NIM1K: variants seen among roughly 807,000 people sequenced by gnomAD.
The protein encoded by NIM1K is serine/threonine-protein kinase NIM1.
In NIM1K, 35 loss-of-function variants were observed where a neutral mutation model predicts 37.1. The observed-to-expected ratio is 0.94, with a 90% confidence interval of 0.72 to 1.25. NIM1K has a LOEUF of 1.25. Among genes scored for constraint, NIM1K ranks in the 50% most tolerant of loss-of-function variants. The pLI, the probability that NIM1K is intolerant of heterozygous loss-of-function variation, is 0.00. For synonymous variants in NIM1K, 234 were observed against 206.6 expected, an observed-to-expected ratio of 1.13 and a Z score of -1.14; for missense variants, 564 against 548.0, an observed-to-expected ratio of 1.03 and a Z score of -0.29.
intron 1 of NIM1K, chr5:43,242,960 C>A (rs562074217): frequency 3.9e-5 from 6 of 152,282 alleles, no homozygotes; most frequent in Admixed American, 3.9e-4. Flanking sequence ...CGCCACCATG[C>A]TTGGCTAATT....
intron 1 of NIM1K, among the ~76,000 whole-genome samples, chr5:43,217,819 C>T (rs1194113600): frequency 1.4e-5 from 2 of 143,296 alleles, no homozygotes; most frequent in Non-Finnish European, 3.0e-5. Context: ...TCAAGAAATT[C>T]TCCTGCCTCA....
At chr5:43,226,737 T>C (rs2112237372) in intron 1 of NIM1K, among the ~76,000 whole-genome samples, 1 of 152,268 alleles carries the variant, frequency 6.6e-6, no homozygotes, top group Non-Finnish European at 1.5e-5. Context: ...GATGAACCCC[T>C]CAGTGCATGG....
At chr5:43,274,614 T>C (rs1221924490) in intron 2 of NIM1K, among the ~76,000 whole-genome samples, 1 of 152,204 alleles carries the variant, frequency 6.6e-6, no homozygotes, top group Non-Finnish European at 1.5e-5. Context: ...GGAGGTTCTT[T>C]TGCTGGGGCT....
chr5:43,195,661 C>CAAAAAA (rs10556161), intron 1 of NIM1K, among the ~76,000 whole-genome samples: 1 of 112,088 alleles, frequency 8.9e-6, no homozygotes. Flanking sequence ...ACTCTGAATC[C>CAAAAAA]AAAAAAAAAA....
intron 2 of NIM1K, among the ~76,000 whole-genome samples, chr5:43,259,732 G>T (rs1752999906): frequency 6.6e-6 from 1 of 152,058 alleles, no homozygotes; most frequent in African/African-American, 2.4e-5. Flanking sequence ...CCATTCTGTG[G>T]ATTGCCTGTT....
chr5:43,215,580 TGCGCCACCAC>T, intron 1 of NIM1K, among the ~76,000 whole-genome samples: 1 of 152,192 alleles, frequency 6.6e-6, no homozygotes, highest in Admixed American at 6.5e-5. Context: ...ATCATAGGCG[TGCGCCACCAC>T]GCCCAGCTAA....
At chr5:43,192,641 G>C (rs185137551) in intron 1 of NIM1K, among the ~76,000 whole-genome samples, 1 of 152,230 alleles carries the variant, frequency 6.6e-6, no homozygotes, top group African/African-American at 2.4e-5. Context: ...GAGAGGAGGG[G>C]GCATTAGAGC....
intron 1 of NIM1K, among the ~76,000 whole-genome samples, chr5:43,216,617 A>C (rs1752303413): frequency 6.6e-6 from 1 of 152,328 alleles, no homozygotes; most frequent in African/African-American, 2.4e-5. Flanking sequence ...CTCCTAATCC[A>C]CAAAGTGAGG....
chr5:43,206,518 A>T (rs1363157180), intron 1 of NIM1K, among the ~76,000 whole-genome samples: 1 of 151,632 alleles, frequency 6.6e-6, no homozygotes, highest in Non-Finnish European at 1.5e-5. Context: ...AAAAAAAAAA[A>T]AAATAGGTTG....
At chr5:43,265,905 G>T (rs1232837927) in intron 2 of NIM1K, among the ~76,000 whole-genome samples, 3 of 152,198 alleles carry the variant, frequency 2.0e-5, no homozygotes, top group African/African-American at 7.2e-5. Flanking sequence ...AGACCTGTTT[G>T]CCTGGGTATC....
At chr5:43,239,246 A>AT (rs1279491095) in intron 1 of NIM1K, among the ~76,000 whole-genome samples, 1 of 151,672 alleles carries the variant, frequency 6.6e-6, no homozygotes, top group African/African-American at 2.4e-5. Flanking sequence ...TTATTTATTT[A>AT]TTTTTTTAAG....
chr5:43,227,607 C>G (rs1359807376), intron 1 of NIM1K, among the ~76,000 whole-genome samples: 70 of 152,200 alleles, frequency 4.6e-4, no homozygotes, highest in Non-Finnish European at 4.4e-5. Context: ...AGAGAACCTT[C>G]AAATATGACT....
intron 1 of NIM1K, among the ~76,000 whole-genome samples, chr5:43,215,563 A>G (rs868222527): frequency 1.6e-4 from 24 of 152,144 alleles, no homozygotes; most frequent in Admixed American, 2.6e-4. Flanking sequence ...CATCCTGAGT[A>G]GCTGGAATCA....
chr5:43,222,737 A>AAAAAAAG lies in NIM1K; in HGVS notation c.-694-22327_-694-22321dup, dbSNP rs531634116. Reference sequence around the variant, plus strand: ...CGACAGAGTGAGCCTGTCCCTTAAAAAAAAAAGAAAAAAGAAAAAAGAAAG... The same window carrying AAAAAAAG: ...CGACAGAGTGAGCCTGTCCCTTAAAAAAAAAAGAAAAAAGAAAAAAGAAAAAAGAAAG... On this transcript the variant is annotated intron_variant, in intron 1 of 3. Coordinates refer to ENST00000326035, the MANE Select transcript of NIM1K (RefSeq NM_153361.4). 1.8e-3 allele frequency among the ~76,000 whole-genome samples: 270 copies of AAAAAAAG among 152,118 alleles called. 2 individuals are homozygous for AAAAAAAG. The highest frequency in any genetic ancestry group is 6.2e-3 in the African/African-American group (258 of 41,480).
intron 2 of NIM1K, among the ~76,000 whole-genome samples, chr5:43,272,310 T>C (rs1171479025): frequency 1.3e-5 from 2 of 152,276 alleles, no homozygotes; most frequent in African/African-American, 2.4e-5. Flanking sequence ...GTTAAAAGTC[T>C]TCCCTAACCC....
At chr5:43,273,200 C>T (rs1280698816) in intron 2 of NIM1K, among the ~76,000 whole-genome samples, 2 of 145,482 alleles carry the variant, frequency 1.4e-5, no homozygotes, top group African/African-American at 5.0e-5. Context: ...TGCCAGAGTG[C>T]TTTTTTTTTT....
chr5:43,243,266 T>C (rs1159391194), intron 1 of NIM1K, among the ~76,000 whole-genome samples: 2 of 152,242 alleles, frequency 1.3e-5, no homozygotes, highest in Non-Finnish European at 2.9e-5. Flanking sequence ...TTTTTCTTTT[T>C]CCTTAGGTTA....
chr5:43,199,889 A>G (rs947336201), intron 1 of NIM1K, among the ~76,000 whole-genome samples: 1 of 152,060 alleles, frequency 6.6e-6, no homozygotes, highest in South Asian at 2.1e-4. Flanking sequence ...TGTTATTATT[A>G]TTTTTTGAGA....
At chr5:43,260,666 T>C (rs934091766) in intron 2 of NIM1K, among the ~76,000 whole-genome samples, 31 of 152,294 alleles carry the variant, frequency 2.0e-4, no homozygotes, top group Non-Finnish European at 3.7e-4. Flanking sequence ...AATGTGCAGG[T>C]TTGTTACATA....
Sources: allele counts gnomAD v4.1 joint callset (sites outside exome capture counted in the v4.1 genomes callset), GRCh38; gene constraint gnomAD v4.1.1; transcripts MANE v1.5; gene names NCBI Gene and HGNC (gene_info 2026-07-23, HGNC 2026-07-21).